Variants in STX8 observed in about 807,000 individuals in gnomAD.
STX8 encodes the protein syntaxin-8.
In STX8, 23 loss-of-function variants were observed where a neutral mutation model predicts 37.5. That is an observed-to-expected ratio of 0.61 (90% CI 0.44 to 0.87). The LOEUF is 0.87. STX8 is among the 40% of genes least tolerant of loss of function. STX8 has a pLI of 0.00. For synonymous variants in STX8, 115 were observed against 99.1 expected, an observed-to-expected ratio of 1.16 and a Z score of -0.95; for missense variants, 313 against 284.7, an observed-to-expected ratio of 1.10 and a Z score of -0.71.
intron 7 of STX8, among the ~76,000 whole-genome samples, chr17:9,340,229 T>A (rs72635520): frequency 0.04 from 6,150 of 152,320 alleles, 339 homozygotes; most frequent in East Asian, 0.25. Flanking sequence ...CTCCTTTCCC[T>A]CAGGTGACCT....
At chr17:9,502,775 A>T (rs1904666153) in intron 5 of STX8, among the ~76,000 whole-genome samples, 1 of 152,166 alleles carries the variant, frequency 6.6e-6, no homozygotes, top group South Asian at 2.1e-4. Flanking sequence ...GATTGTGGTA[A>T]ATCCATACAA....
chr17:9,431,461 TG>T (rs1308282177), intron 6 of STX8, among the ~76,000 whole-genome samples: 2 of 149,784 alleles, frequency 1.3e-5, no homozygotes, highest in African/African-American at 2.5e-5. Context: ...TTGTTTTTTT[TG>T]TTTTTTTGTT....
intron 7 of STX8, among the ~76,000 whole-genome samples, chr17:9,345,282 T>C (rs1327759513): frequency 6.6e-6 from 1 of 152,104 alleles, no homozygotes; most frequent in African/African-American, 2.4e-5. Flanking sequence ...TCTCAGTAGC[T>C]GGGATTACAA....
chr17:9,454,677 CA>C (rs71135986), intron 6 of STX8, among the ~76,000 whole-genome samples: 100,488 of 128,912 alleles, frequency 0.78, 37,341 homozygotes, highest in Non-Finnish European at 0.86. Flanking sequence ...GAGACTGTCT[CA>C]AAAAAAAAAA....
intron 7 of STX8, among the ~76,000 whole-genome samples, chr17:9,278,180 GCTTACGCCTGTAA>G (rs1268645847): frequency 6.6e-6 from 1 of 152,216 alleles, no homozygotes; most frequent in African/African-American, 2.4e-5. Flanking sequence ...GGATGCAGTG[GCTTACGCCTGTAA>G]TCCCAGCACT....
At chr17:9,268,101 T>C (rs1043618101) in intron 7 of STX8, among the ~76,000 whole-genome samples, 5 of 152,008 alleles carry the variant, frequency 3.3e-5, no homozygotes, top group Admixed American at 6.6e-5. Flanking sequence ...CCCTCCCATA[T>C]GCTCTCCTCT....
intron 7 of STX8, among the ~76,000 whole-genome samples, chr17:9,346,344 T>C (rs1910533512): frequency 6.6e-6 from 1 of 152,174 alleles, no homozygotes; most frequent in Non-Finnish European, 1.5e-5. Flanking sequence ...TCCCCATTTC[T>C]CTTTCCTTGA....
At chr17:9,286,640 C>T (rs995163958) in intron 7 of STX8, among the ~76,000 whole-genome samples, 2 of 139,630 alleles carry the variant, frequency 1.4e-5, no homozygotes, top group African/African-American at 5.3e-5. Context: ...GAGGCTGAGT[C>T]TTTAAATGAA....
intron 7 of STX8, among the ~76,000 whole-genome samples, chr17:9,316,310 A>T (rs1054271472): frequency 2.0e-5 from 3 of 152,112 alleles, no homozygotes; most frequent in African/African-American, 7.2e-5. Flanking sequence ...TGTTAATGAG[A>T]TGATGGCTGA....
chr17:9,282,801 G>A (rs1907937253), intron 7 of STX8, among the ~76,000 whole-genome samples: 1 of 152,178 alleles, frequency 6.6e-6, no homozygotes. Context: ...GTGGCCGCAT[G>A]CATAACCAGC....
chr17:9,345,401 C>T (rs569867340), intron 7 of STX8, among the ~76,000 whole-genome samples: 44 of 152,216 alleles, frequency 2.9e-4, no homozygotes, highest in African/African-American at 9.4e-4. Context: ...CCGCCTGCCT[C>T]GGCCTCCCAA....
intron 7 of STX8, among the ~76,000 whole-genome samples, chr17:9,324,120 T>TCACACACA (rs1469116831): frequency 3.0e-5 from 4 of 133,662 alleles, no homozygotes; most frequent in African/African-American, 1.2e-4. Flanking sequence ...TCTCTCTCTC[T>TCACACACA]CTCTCTCACA....
intron 1 of STX8, among the ~76,000 whole-genome samples, chr17:9,572,409 GTTTGT>G (rs138963485): frequency 0.18 from 27,708 of 151,716 alleles, 2,719 homozygotes; most frequent in South Asian, 0.24. Context: ...GTTTTTGTTT[GTTTGT>G]TTTGTTTTGT....
At chr17:9,502,817 T>C (rs1904667885) in intron 5 of STX8, among the ~76,000 whole-genome samples, 1 of 152,010 alleles carries the variant, frequency 6.6e-6, no homozygotes, top group Non-Finnish European at 1.5e-5. Flanking sequence ...AAGAGTGAAA[T>C]GCAGGCCGGG....
intron 7 of STX8, among the ~76,000 whole-genome samples, chr17:9,349,581 C>T (rs1469672271): frequency 6.6e-6 from 1 of 152,142 alleles, no homozygotes; most frequent in Non-Finnish European, 1.5e-5. Context: ...CTTGGCCTCC[C>T]AAAGTGCTGG....
intron 7 of STX8, among the ~76,000 whole-genome samples, chr17:9,284,493 G>A (rs777805308): frequency 6.6e-6 from 1 of 152,190 alleles, no homozygotes; most frequent in African/African-American, 2.4e-5. Context: ...GAGATACGGA[G>A]ATAAACAATA....
chr17:9,296,139 G>A (rs954949746), intron 7 of STX8, among the ~76,000 whole-genome samples: 4 of 152,020 alleles, frequency 2.6e-5, no homozygotes, highest in Non-Finnish European at 4.4e-5. Flanking sequence ...GCAGTGAGCC[G>A]AGATCGTGCT....
At chr17:9,523,146 A>G (rs972734817) in intron 4 of STX8, among the ~76,000 whole-genome samples, 3 of 151,836 alleles carry the variant, frequency 2.0e-5, no homozygotes, top group Non-Finnish European at 4.4e-5. Context: ...CCCCATCTCT[A>G]CTAAAAATAC....
At chr17:9,405,235 C>G (rs1035345790) in intron 6 of STX8, among the ~76,000 whole-genome samples, 2 of 152,102 alleles carry the variant, frequency 1.3e-5, no homozygotes, top group African/African-American at 4.8e-5. Context: ...TAGAGTACCA[C>G]GTGTAATGAG....
Sources: allele counts gnomAD v4.1 joint callset (sites outside exome capture counted in the v4.1 genomes callset), GRCh38; gene constraint gnomAD v4.1.1; transcripts MANE v1.5; gene names NCBI Gene and HGNC (gene_info 2026-07-23, HGNC 2026-07-21).